The following CFAP263 variants were observed in gnomAD, a reference collection of about 807,000 sequenced individuals.
CFAP263 encodes the protein cilia- and flagella-associated protein 263.
the CFAP263 span, among the ~76,000 whole-genome samples, chr16:58,263,701 G>A: frequency 6.6e-6 from 1 of 152,192 alleles, no homozygotes; most frequent in East Asian, 1.9e-4. Flanking sequence ...AAGTAGACAG[G>A]GTGCAGTGGC....
At chr16:58,250,395 G>C in the CFAP263 span, 24 of 358,958 alleles carry the variant, frequency 6.7e-5, no homozygotes, top group African/African-American at 3.9e-4. Flanking sequence ...CATGCCAGAC[G>C]GTGTGCTTAG....
chr16:58,280,459 C>T, the CFAP263 span: 3 of 1,614,158 alleles, frequency 1.9e-6, no homozygotes, highest in South Asian at 1.1e-5. Context: ...CGTGATGGTC[C>T]TTCTTTGTCC....
At chr16:58,257,166 CGCCACTACGCCCG>C in the CFAP263 span, among the ~76,000 whole-genome samples, 1 of 122,698 alleles carries the variant, frequency 8.2e-6, no homozygotes, top group Non-Finnish European at 1.7e-5. Context: ...TACAGGCGCC[CGCCACTACGCCCG>C]GCTAATTTTT....
the CFAP263 span, chr16:58,252,964 T>C: frequency 1.9e-6 from 2 of 1,033,854 alleles, no homozygotes; most frequent in Middle Eastern, 2.1e-4. Flanking sequence ...CCATGGGACC[T>C]TCTCCCTGTT....
At chr16:58,279,529 C>T in the CFAP263 span, among the ~76,000 whole-genome samples, 1 of 152,140 alleles carries the variant, frequency 6.6e-6, no homozygotes, top group Non-Finnish European at 1.5e-5. Context: ...CCCTACACAG[C>T]AGCATGCATG....
chr16:58,257,049 G>A, the CFAP263 span, among the ~76,000 whole-genome samples: 1 of 32,936 alleles, frequency 3.0e-5, no homozygotes, highest in Non-Finnish European at 5.0e-5. Context: ...ACGGAGTCTC[G>A]CTCTGTCGCC....
the CFAP263 span, chr16:58,258,420 A>C: frequency 5.6e-6 from 9 of 1,614,016 alleles, no homozygotes; most frequent in South Asian, 7.7e-5. Flanking sequence ...AGAGAAGTGC[A>C]TGAGTTTGAA....
the CFAP263 span, among the ~76,000 whole-genome samples, chr16:58,260,575 A>G: frequency 6.6e-6 from 1 of 152,164 alleles, no homozygotes; most frequent in Non-Finnish European, 1.5e-5. Flanking sequence ...GCCTGGTGGC[A>G]CAGTTATATG....
the CFAP263 span, among the ~76,000 whole-genome samples, chr16:58,264,433 G>A: frequency 6.6e-6 from 1 of 152,222 alleles, no homozygotes; most frequent in East Asian, 1.9e-4. Flanking sequence ...CAGTATCCGA[G>A]ATCAGCAGCG....
At chr16:58,250,870 G>A in the CFAP263 span, among the ~76,000 whole-genome samples, 10 of 152,114 alleles carry the variant, frequency 6.6e-5, no homozygotes, top group African/African-American at 2.2e-4. Flanking sequence ...CCTGAACCTG[G>A]ATATAAGCAT....
At chr16:58,269,687 C>A in the CFAP263 span, among the ~76,000 whole-genome samples, 1 of 152,080 alleles carries the variant, frequency 6.6e-6, no homozygotes, top group Non-Finnish European at 1.5e-5. Flanking sequence ...AATAACATTT[C>A]GTTGTGTAGA....
the CFAP263 span, among the ~76,000 whole-genome samples, chr16:58,255,572 CTTTT>C: frequency 7.1e-6 from 1 of 140,942 alleles, no homozygotes. Context: ...GCATTTCTTT[CTTTT>C]TTTTTTTTTT....
the CFAP263 span, chr16:58,259,989 G>C: frequency 8.3e-7 from 1 of 1,199,866 alleles, no homozygotes; most frequent in Non-Finnish European, 1.2e-6. Flanking sequence ...ACTGTGGTAG[G>C]CTGAATAAGG....
the CFAP263 span, among the ~76,000 whole-genome samples, chr16:58,260,333 G>A: frequency 4.6e-5 from 7 of 152,172 alleles, no homozygotes; most frequent in Non-Finnish European, 8.8e-5. Context: ...AAGAAATGCA[G>A]CCCTGCTGAG....
chr16:58,259,004 A>AATAAATAAATAAATAAATATATAT, the CFAP263 span, among the ~76,000 whole-genome samples: 2 of 151,276 alleles, frequency 1.3e-5, no homozygotes, highest in African/African-American at 4.9e-5. Context: ...TAAATAAATA[A>AATAAATAAATAAATAAATATATAT]ATAAATAAAT....
the CFAP263 span, among the ~76,000 whole-genome samples, chr16:58,258,697 T>C: frequency 6.6e-6 from 1 of 152,104 alleles, no homozygotes; most frequent in Non-Finnish European, 1.5e-5. Flanking sequence ...TTAAAATGTA[T>C]GTTTATGGCT....
chr16:58,267,050 C>T, the CFAP263 span, among the ~76,000 whole-genome samples: 286 of 152,310 alleles, frequency 1.9e-3, 1 homozygote, highest in African/African-American at 6.4e-3. Context: ...GTATTCCCCA[C>T]GCTCCATCCA....
At chr16:58,269,394 G>GGA in the CFAP263 span, among the ~76,000 whole-genome samples, 8 of 116,510 alleles carry the variant, frequency 6.9e-5, no homozygotes, top group South Asian at 5.2e-4. Context: ...AGGAAGGAAA[G>GGA]AGGAAAGAAA....
At chr16:58,250,925 GTTTTA>G in the CFAP263 span, among the ~76,000 whole-genome samples, 2 of 152,076 alleles carry the variant, frequency 1.3e-5, no homozygotes, top group Non-Finnish European at 2.9e-5. Flanking sequence ...CGTTTATTTT[GTTTTA>G]TTTTATTTTG....
Sources: gnomAD v4.1 joint callset for allele counts (sites outside exome capture counted in the v4.1 genomes callset) on GRCh38, gnomAD v4.1.1 for gene constraint, MANE v1.5 for transcripts, NCBI Gene and HGNC (gene_info 2026-07-23, HGNC 2026-07-21) for gene names.